WSCD1: variants seen among roughly 807,000 people sequenced by gnomAD.
The protein encoded by WSCD1 is sialate:O-sulfotransferase 1.
In WSCD1, 41 loss-of-function variants were observed where a neutral mutation model predicts 60.4. The observed-to-expected ratio is 0.68, with a 90% CI of 0.53 to 0.88. WSCD1 has a LOEUF of 0.88. Ranked by LOEUF, WSCD1 falls within the 40% of genes least tolerant of loss-of-function variation. The pLI, the probability that WSCD1 is intolerant of heterozygous loss-of-function variation, is 0.00. For synonymous variants in WSCD1, 361 were observed against 332.5 expected (o/e 1.09, Z -0.93); for missense variants, 784 against 796.2 (o/e 0.98, Z 0.18).
intron 5 of WSCD1, among the ~76,000 whole-genome samples, chr17:6,100,846 A>G (rs1165158860): frequency 3.3e-5 from 5 of 152,226 alleles, no homozygotes; most frequent in Admixed American, 3.3e-4. Context: ...GATGCCAGGC[A>G]GCCATGCCCA....
Position 6,088,364 on chromosome 17 carries a change from G to A in WSCD1, c.542+260G>A, listed in dbSNP as rs1909797408. The stretch of plus-strand genomic sequence containing the variant: ...GAGTTGGGTGATGACCTGGGTGCTG[G>A]GAGCTTGGGTGCTGGTGCTGGGTGC... On this transcript the variant is annotated intron_variant, in intron 3 of 8. Coordinates refer to ENST00000317744, the MANE Select transcript of WSCD1 (RefSeq NM_015253.2). 1.3e-5 allele frequency among the ~76,000 whole-genome samples: 2 copies of A among 152,006 alleles called. 1 individual carries two copies. The highest frequency in any genetic ancestry group is 4.1e-4 in the South Asian group (2 of 4,820).
chr17:6,071,227 T>C (rs1225744808), intron 1 of WSCD1: 1 of 152,196 alleles, frequency 6.6e-6, no homozygotes, highest in East Asian at 1.9e-4. Flanking sequence ...TTCGTAGGTG[T>C]GGACGGAGAC....
rs914527107 is a variant in WSCD1 at position 6,110,124 on chromosome 17, C to T, written c.1009+358C>T. Among the ~76,000 whole-genome samples, 2 of 152,092 alleles carry T rather than the reference C, an allele frequency of 1.3e-5. No homozygotes were observed. Among genetic ancestry groups the T allele is most frequent in the African/African-American group, 4.8e-5 (2 of 41,404 alleles). Reference sequence around the variant, plus strand: ...AATGAGATCCCAGGAGCTGCAGGGGCCACTGGTGCCTCCAGGACCTGGGAA... The same window carrying T: ...AATGAGATCCCAGGAGCTGCAGGGGTCACTGGTGCCTCCAGGACCTGGGAA... On this transcript the variant is annotated intron_variant, in intron 6 of 8. Transcript: ENST00000317744. The surrounding 1 kb of genome is among the most constrained non-coding windows in gnomAD (Gnocchi z 4.8).
intron 5 of WSCD1, 130 bp from the exon 6 acceptor site, chr17:6,109,477 G>C: frequency 7.7e-7 from 1 of 1,298,656 alleles, no homozygotes; most frequent in East Asian, 2.3e-5. Context: ...GAAGGATGGT[G>C]GTCATCCCTG....
At chr17:6,115,592 CT>C (rs1181095382) in intron 7 of WSCD1, among the ~76,000 whole-genome samples, 1 of 151,634 alleles carries the variant, frequency 6.6e-6, no homozygotes, top group Admixed American at 6.6e-5. Flanking sequence ...CTTTTCTTTT[CT>C]TTTCTTTTTT....
chr17:6,079,490 TGGAAGGCA>T (rs1909088477), intron 1 of WSCD1, among the ~76,000 whole-genome samples: 2 of 152,188 alleles, frequency 1.3e-5, no homozygotes, highest in African/African-American at 4.8e-5. Flanking sequence ...GAGAGACCCA[TGGAAGGCA>T]GATCAGAGAG....
chr17:6,098,156 T>TC (rs71154640), intron 5 of WSCD1, among the ~76,000 whole-genome samples: 26 of 110,952 alleles, frequency 2.3e-4, no homozygotes, highest in South Asian at 1.4e-3. Context: ...GGGGGCGGGG[T>TC]GGGGGGGGTC....
At chr17:6,088,696 GCACA>G (rs66881392) in intron 3 of WSCD1, among the ~76,000 whole-genome samples, 19 of 149,966 alleles carry the variant, frequency 1.3e-4, no homozygotes, top group Admixed American at 3.3e-4. Flanking sequence ...TGTGTGTGCT[GCACA>G]CACACACACA....
intron 7 of WSCD1, among the ~76,000 whole-genome samples, chr17:6,116,418 A>ACG (rs1282579338): frequency 2.6e-5 from 4 of 152,140 alleles, no homozygotes; most frequent in African/African-American, 9.7e-5. Context: ...ACACACACAC[A>ACG]CACGCACAAT....
At position 6,099,493 on chromosome 17, in the gene WSCD1, C is replaced by T. The variant is rs571383654; in HGVS notation, c.849+4270C>T. ...TCACACCACCGCGCTCCAGCCTGGG[C>T]GACAGAGCAAGACTCTGTCTCAAAA... On this transcript the variant is annotated intron_variant, in intron 5 of 8. Coordinates refer to ENST00000317744, the MANE Select transcript of WSCD1 (RefSeq NM_015253.2). 5.3e-5 allele frequency among the ~76,000 whole-genome samples: 8 copies of T among 151,274 alleles called. No individual in the cohort carries two copies. The South Asian group carries it at 8.4e-4, about 16-fold the overall frequency.
rs140819987 is a variant in WSCD1 at position 6,091,213 on chromosome 17, A to G, written c.727+708A>G. ...CATCCAGGAGACCTAGATTTCTAGC[A>G]GTGGTGTGAGCTAGATAATCAGAAA... On this transcript the variant is annotated intron_variant, in intron 4 of 8. Coordinates refer to ENST00000317744, the MANE Select transcript of WSCD1 (RefSeq NM_015253.2). Among the ~76,000 whole-genome samples, 485 of 152,332 alleles carry G rather than the reference A, an allele frequency of 3.2e-3. 4 individuals are homozygous for G. The highest frequency in any genetic ancestry group is 0.011 in the African/African-American group (440 of 41,594).
At chr17:6,097,434 A>C (rs1254439920) in intron 5 of WSCD1, among the ~76,000 whole-genome samples, 2 of 152,232 alleles carry the variant, frequency 1.3e-5, no homozygotes, top group Non-Finnish European at 2.9e-5. Context: ...AAGCAACTGC[A>C]TCCTTGCCCA....
intron 5 of WSCD1, 150 bp downstream of exon 5, chr17:6,095,373 G>C (rs1489327370): frequency 1.8e-6 from 2 of 1,135,150 alleles, no homozygotes; most frequent in Non-Finnish European, 2.4e-6. Flanking sequence ...GCAGGCACCA[G>C]GTACCACAGA....
chr17:6,096,644 G>A (rs919853583), intron 5 of WSCD1, among the ~76,000 whole-genome samples: 2 of 152,206 alleles, frequency 1.3e-5, no homozygotes, highest in African/African-American at 2.4e-5. Context: ...GTTGATTTGC[G>A]GACATCTGGC....
At chr17:6,113,084 G>T (rs1239352844) in intron 7 of WSCD1, among the ~76,000 whole-genome samples, 1 of 152,200 alleles carries the variant, frequency 6.6e-6, no homozygotes, top group Non-Finnish European at 1.5e-5. Context: ...GCATGGTACT[G>T]CTACAAAAAC....
chr17:6,108,032 C>T (rs1219519800), intron 5 of WSCD1, among the ~76,000 whole-genome samples: 1 of 152,078 alleles, frequency 6.6e-6, no homozygotes, highest in Non-Finnish European at 1.5e-5. Context: ...TTGGGGGCTG[C>T]TTGGCACCTA....
intron 7 of WSCD1, among the ~76,000 whole-genome samples, chr17:6,115,989 T>C (rs1597371240): frequency 6.6e-6 from 1 of 152,162 alleles, no homozygotes; most frequent in Non-Finnish European, 1.5e-5. Context: ...AAGCTTGGGA[T>C]TGGGCTCTGG....
rs933879485 is a variant in WSCD1 at position 6,101,682 on chromosome 17, A to G, written c.849+6459A>G. Among the ~76,000 whole-genome samples the G allele has an allele frequency of 1.3e-5, 2 of 152,170 alleles. No individual in the cohort carries two copies. The highest frequency in any genetic ancestry group is 4.1e-4 in the South Asian group (2 of 4,826). ...TGTGTTTTTAAAGCCCAGTGAAATGATCTTGTCTAATTTCCTGTGATCGTA... is the reference window on the plus strand; with the variant it reads ...TGTGTTTTTAAAGCCCAGTGAAATGGTCTTGTCTAATTTCCTGTGATCGTA... On this transcript the variant is annotated intron_variant, in intron 5 of 8. Transcript: ENST00000317744. The surrounding 1 kb of genome is among the most constrained non-coding windows in gnomAD (Gnocchi z 4.1).
At chr17:6,097,825 A>G (rs571974070) in intron 5 of WSCD1, among the ~76,000 whole-genome samples, 2 of 152,110 alleles carry the variant, frequency 1.3e-5, no homozygotes, top group African/African-American at 2.4e-5. Flanking sequence ...TGTGAGGGGG[A>G]GGCAAGGCAC....
Sources: gnomAD v4.1 joint callset for allele counts (sites outside exome capture counted in the v4.1 genomes callset) on GRCh38, gnomAD v4.1.1 for gene constraint, Gnocchi (gnomAD v3.1) non-coding constraint, MANE v1.5 for transcripts, NCBI Gene and HGNC (gene_info 2026-07-23, HGNC 2026-07-21) for gene names.